Variants in EXTL3 observed in about 807,000 individuals in gnomAD.
EXTL3 encodes the protein exostosin like glycosyltransferase 3, also known as exostosin-like 3.
Under a neutral mutation model 69.3 loss-of-function variants are expected in EXTL3, and 27 were observed. The observed-to-expected ratio is 0.39, with a 90% CI of 0.29 to 0.54. EXTL3 has a LOEUF of 0.54. Among genes scored for constraint, EXTL3 ranks in the 20% least tolerant of loss-of-function variants. EXTL3 has a pLI of 0.69. For synonymous variants in EXTL3, 511 were observed against 499.4 expected (o/e 1.02, Z -0.31); for missense variants, 1,003 against 1,231.8 (o/e 0.81, Z 2.78).
intron 6 of EXTL3, among the ~76,000 whole-genome samples, chr8:28,743,675 T>C (rs1801825002): frequency 6.6e-6 from 1 of 152,212 alleles, no homozygotes; most frequent in Admixed American, 6.5e-5. Flanking sequence ...CCCTAGATGT[T>C]GTGATTTAAT....
upstream of EXTL3, among the ~76,000 whole-genome samples, chr8:28,619,722 T>C (rs1187142973): frequency 6.6e-6 from 1 of 152,138 alleles, no homozygotes; most frequent in Non-Finnish European, 1.5e-5. Flanking sequence ...TGTCAGGAGC[T>C]TGAAATCAGC....
At chr8:28,673,895 T>A (rs977922409) in intron 1 of EXTL3, among the ~76,000 whole-genome samples, 10 of 152,200 alleles carry the variant, frequency 6.6e-5, no homozygotes, top group Admixed American at 2.0e-4. Flanking sequence ...GTTTCTAGAA[T>A]TGGCTCTCTA....
At chr8:28,696,357 T>G (rs1800686280) in intron 1 of EXTL3, 1 of 152,258 alleles carries the variant, frequency 6.6e-6, no homozygotes, top group South Asian at 2.1e-4. Context: ...TGGCCCCTTT[T>G]GTTCCCCTTA....
chr8:28,667,199 T>G lies in EXTL3; in HGVS notation c.-53+44389T>G, dbSNP rs1051736393. Among the ~76,000 whole-genome samples the G allele has an allele frequency of 3.9e-5, 6 of 152,218 alleles. No individual in the cohort carries two copies. The East Asian group carries it at 1.2e-3, about 29-fold the overall frequency. ...AGACTATTGCATTGGGGGTCAAGAC[T>G]CAACCCTGAATATAACAGTGGCAGC... On this transcript the variant is annotated intron_variant, in intron 1 of 6. Coordinates refer to the EXTL3 transcript ENST00000523149.
At chr8:28,668,259 C>CAAAAAAAAA (rs71549685) in intron 1 of EXTL3, among the ~76,000 whole-genome samples, 2 of 64,274 alleles carry the variant, frequency 3.1e-5, no homozygotes, top group African/African-American at 9.2e-5. Context: ...GGTCCTGTCT[C>CAAAAAAAAA]AAAAAAAAAA....
upstream of EXTL3, among the ~76,000 whole-genome samples, chr8:28,618,080 CATT>C (rs1465225410): frequency 2.6e-5 from 4 of 152,128 alleles, no homozygotes; most frequent in East Asian, 5.8e-4. Flanking sequence ...GGTTGCCTAA[CATT>C]ATGAATATAG....
Position 28,716,073 on chromosome 8 carries a change from C to T in EXTL3, c.14C>T (p.Thr5Ile). MTGY[T>I]MLRNGGAGNG... is the part of the protein sequence containing the mutation. ...TGCAGAGGACTCATGACAGGCTATA[C>T]CATGCTGCGGAATGGGGGCGCGGGG... Residue 5 changes from threonine to isoleucine, a missense_variant, in exon 3 of 7, where the codon ACC (threonine) becomes ATC (isoleucine). Around this residue, in one of 2 missense-constraint regions of EXTL3, gnomAD observed 742 missense variants for 815.4 expected, o/e 0.91. Coordinates refer to ENST00000220562, the MANE Select transcript of EXTL3 (RefSeq NM_001440.4). This position sits in a 1 kb window ranked among gnomAD's most constrained non-coding sequence, Gnocchi z 7.1. 1 of 1,608,246 alleles carries T rather than the reference C, an allele frequency of 6.2e-7. No individual in the cohort carries two copies. The highest frequency in any genetic ancestry group is 8.5e-7 in the Non-Finnish European group (1 of 1,179,816).
chr8:28,675,929 G>A lies in EXTL3; in HGVS notation c.-52-37528G>A, dbSNP rs549393222. Among the ~76,000 whole-genome samples, 9 of 149,692 alleles carry A rather than the reference G, an allele frequency of 6.0e-5. No individual in the cohort carries two copies. The East Asian group carries it at 1.6e-3, about 26-fold the overall frequency. On this transcript the variant is annotated intron_variant, in intron 1 of 6. Transcript: ENST00000523149. ...CCCAGCTGCTTGGGAGGCTGAGGCT[G>A]GAGAATCGCTTGAACCTGGGAGGCG...
intron 4 of EXTL3, among the ~76,000 whole-genome samples, chr8:28,731,810 T>A (rs898680047): frequency 3.3e-5 from 5 of 151,696 alleles, no homozygotes; most frequent in South Asian, 2.1e-4. Flanking sequence ...CCAAAAAGAT[T>A]TGGGGGAAGG....
Position 28,717,656 on chromosome 8 carries a change from A to G in EXTL3, c.1597A>G (p.Met533Val), listed in dbSNP as rs563208430. 2.1e-5 allele frequency: 34 copies of G among 1,614,188 alleles called. No individual in the cohort carries two copies. Among genetic ancestry groups the G allele is most frequent in the Non-Finnish European group, 2.5e-5 (30 of 1,180,026 alleles). ...CAGTATTTTTAATACCGTGCTGGCT[A>G]TGATTAGGACTCGCATCCAGATCCC... The part of the protein sequence containing the change: ...ADSIFNTVLA[M>V]IRTRIQIPAA... Residue 533 changes from methionine (M) to valine (V), a missense_variant, in exon 3 of 7, where the codon ATG (methionine) becomes GTG (valine). Coordinates refer to ENST00000220562, the MANE Select transcript of EXTL3 (RefSeq NM_001440.4). The surrounding 1 kb of genome is among the most constrained non-coding windows in gnomAD (Gnocchi z 8.3).
intron 1 of EXTL3, among the ~76,000 whole-genome samples, chr8:28,675,189 A>G (rs542022345): frequency 6.6e-6 from 1 of 152,330 alleles, no homozygotes; most frequent in South Asian, 2.1e-4. Context: ...CCAGAGGCCA[A>G]ACTCCTCAGC....
chr8:28,729,451 C>G (rs1001914626), intron 3 of EXTL3, among the ~76,000 whole-genome samples: 4 of 151,252 alleles, frequency 2.6e-5, no homozygotes, highest in Non-Finnish European at 5.9e-5. Context: ...AAAAAAATAG[C>G]CAGGCGTGGT....
At chr8:28,743,971 T>C (rs988881622) in intron 6 of EXTL3, 2 of 152,720 alleles carry the variant, frequency 1.3e-5, no homozygotes, top group African/African-American at 4.8e-5. Flanking sequence ...TCTGAGGGTA[T>C]TGTTGTGTTT....
intron 1 of EXTL3, among the ~76,000 whole-genome samples, chr8:28,684,534 G>C (rs1807545638): frequency 1.3e-5 from 2 of 152,156 alleles, no homozygotes; most frequent in East Asian, 1.9e-4. Context: ...CTTGAGGATA[G>C]GAGTTGGAGA....
upstream of EXTL3, chr8:28,698,197 G>A (rs1014132438): frequency 1.3e-5 from 2 of 152,228 alleles, no homozygotes; most frequent in Non-Finnish European, 2.9e-5. Flanking sequence ...TGAAGGTAAA[G>A]AGAGAAGTCA....
intron 1 of EXTL3, among the ~76,000 whole-genome samples, chr8:28,690,225 T>C (rs905540362): frequency 6.6e-6 from 1 of 151,940 alleles, no homozygotes; most frequent in Non-Finnish European, 1.5e-5. Flanking sequence ...TTCTTTTTTC[T>C]TTTTTTTGAG....
intron 1 of EXTL3, among the ~76,000 whole-genome samples, chr8:28,660,223 G>C (rs938212301): frequency 3.3e-5 from 5 of 152,140 alleles, no homozygotes; most frequent in African/African-American, 1.2e-4. Flanking sequence ...AATTAGCCCA[G>C]TGTAGTGGTG....
chr8:28,638,681 G>C (rs1411013294), intron 1 of EXTL3, among the ~76,000 whole-genome samples: 3 of 152,186 alleles, frequency 2.0e-5, no homozygotes, highest in African/African-American at 4.8e-5. Context: ...ACCCAGGCTA[G>C]AGTGCAGTGG....
At chr8:28,651,437 C>T (rs569987113) in intron 1 of EXTL3, among the ~76,000 whole-genome samples, 32 of 152,196 alleles carry the variant, frequency 2.1e-4, no homozygotes, top group African/African-American at 6.3e-4. Context: ...GAAATCTTCC[C>T]GCCTCAGGTT....
Sources: gnomAD v4.1 joint callset for allele counts (sites outside exome capture counted in the v4.1 genomes callset) on GRCh38, gnomAD v4.1.1 for gene constraint, gnomAD v4.1.1 regional missense constraint, Gnocchi (gnomAD v3.1) non-coding constraint, MANE v1.5 for transcripts, NCBI Gene and HGNC (gene_info 2026-07-23, HGNC 2026-07-21) for gene names.